The following CNOT1 variants were observed in gnomAD, a reference collection of about 807,000 sequenced individuals.
CNOT1 encodes CCR4-associated factor 1.
CNOT1 carries 15 observed loss-of-function variants against 273.8 expected under a neutral mutation model. That is an observed-to-expected ratio of 0.05 (90% CI 0.04 to 0.08). CNOT1 has a LOEUF of 0.08. Ranked by LOEUF, CNOT1 falls within the 10% of genes least tolerant of loss-of-function variation. CNOT1 has a pLI of 1.00. For synonymous variants in CNOT1, 1,022 were observed against 1,005.5 expected, an observed-to-expected ratio of 1.02 and a Z score of -0.31; for missense variants, 1,644 against 2,912.2, an observed-to-expected ratio of 0.56 and a Z score of 10.02.
At chr16:58,524,962 G>A (rs529586854) in intron 46 of CNOT1, among the ~76,000 whole-genome samples, 2 of 152,282 alleles carry the variant, frequency 1.3e-5, no homozygotes, top group African/African-American at 4.8e-5. Context: ...GATACTGCAC[G>A]ATTCTGGATA....
chr16:58,587,101 G>T, intron 6 of CNOT1, 100 bp downstream of exon 6: 2 of 1,450,006 alleles, frequency 1.4e-6, no homozygotes, highest in Non-Finnish European at 1.9e-6. Flanking sequence ...ATTAATTTCA[G>T]ATTATCTTAC....
At chr16:58,545,811 G>A (rs1230249463) in intron 29 of CNOT1, among the ~76,000 whole-genome samples, 1 of 152,170 alleles carries the variant, frequency 6.6e-6, no homozygotes, top group Admixed American at 6.5e-5. Context: ...AACCTAGCCT[G>A]TTCCTAGGTT....
rs1206139683 is a variant in CNOT1 at position 58,534,412 on chromosome 16, A to C, written c.5647-17T>G. ...CTGGTGCATCTACAACAGGAACAAA[A>C]AATAAAGACACAATGAGGTAACACA... On this transcript the variant is annotated splice_polypyrimidine_tract_variant and intron_variant, in intron 39 of 48. Transcript: ENST00000317147. 2 of 1,610,246 alleles carry C rather than the reference A, an allele frequency of 1.2e-6. No individual in the cohort carries two copies. Among genetic ancestry groups the C allele is most frequent in the Non-Finnish European group, 1.7e-6 (2 of 1,177,748 alleles).
intron 1 of CNOT1, among the ~76,000 whole-genome samples, chr16:58,628,571 T>C (rs1436011270): frequency 6.0e-5 from 9 of 149,364 alleles, no homozygotes; most frequent in Non-Finnish European, 1.3e-4. Flanking sequence ...TTTCAAACAG[T>C]ATAATTATAT....
intron 8 of CNOT1, among the ~76,000 whole-genome samples, chr16:58,583,521 T>G (rs563248116): frequency 1.3e-5 from 2 of 152,308 alleles, no homozygotes; most frequent in South Asian, 4.1e-4. Flanking sequence ...TGGACTGTTA[T>G]CAGTCTGTGG....
At position 58,578,725 on chromosome 16, in the gene CNOT1, T is replaced by C. The variant is rs1483304408; in HGVS notation, c.1558A>G (p.Ile520Val). 6.2e-7 allele frequency: 1 copy of C among 1,614,084 alleles called. No homozygotes were observed. Among genetic ancestry groups the C allele is most frequent in the South Asian group, 1.1e-5 (1 of 91,090 alleles). The change falls in exon 13 of 49, where the codon ATT becomes GTT. Residue 520 changes from isoleucine (I) to valine (V), a missense_variant. This residue lies in a region of CNOT1 where 706 missense variants were observed against 1,021.2 expected (regional missense o/e 0.69). Coordinates refer to ENST00000317147, the MANE Select transcript of CNOT1 (RefSeq NM_016284.5). ...FLGNHPNSAI[I>V]LHYAWHGQGQ... ...TGCCCATGCCATGCATAGTGCAAAATAATAGCTGAGTTAGGATGGTTTCCA... is the reference window on the plus strand; with the variant it reads ...TGCCCATGCCATGCATAGTGCAAAACAATAGCTGAGTTAGGATGGTTTCCA...
At chr16:58,610,510 CCTCA>C (rs1169949164) in intron 1 of CNOT1, among the ~76,000 whole-genome samples, 6 of 152,074 alleles carry the variant, frequency 3.9e-5, no homozygotes, top group East Asian at 1.9e-4. Context: ...TCGAAATCAT[CCTCA>C]CTAACATGGT....
chr16:58,578,606 T>TTA (rs1555498979), intron 13 of CNOT1, 93 bp downstream of exon 13: 7 of 1,494,008 alleles, frequency 4.7e-6, no homozygotes, highest in Non-Finnish European at 6.2e-6. Flanking sequence ...TTCAGAGATG[T>TTA]AAAAAAAAAT....
intron 1 of CNOT1, among the ~76,000 whole-genome samples, chr16:58,616,620 T>C (rs1237764940): frequency 3.9e-5 from 6 of 152,218 alleles, no homozygotes; most frequent in Non-Finnish European, 8.8e-5. Flanking sequence ...AAATTCCTTC[T>C]GCCTTCACTA....
At chr16:58,555,727 G>A in intron 20 of CNOT1, 57 bp downstream of exon 20, 1 of 1,602,390 alleles carries the variant, frequency 6.2e-7, no homozygotes, top group East Asian at 2.2e-5. Flanking sequence ...CATTGAAAAG[G>A]ACATTTATTT....
At chr16:58,567,099 T>C (rs534504484) in intron 16 of CNOT1, among the ~76,000 whole-genome samples, 20 of 152,078 alleles carry the variant, frequency 1.3e-4, no homozygotes, top group African/African-American at 4.8e-4. Flanking sequence ...CATTGAGCTA[T>C]GATTGTGCCT....
intron 1 of CNOT1, among the ~76,000 whole-genome samples, chr16:58,607,319 T>C (rs748611997): frequency 2.6e-5 from 4 of 152,308 alleles, no homozygotes; most frequent in East Asian, 3.9e-4. Flanking sequence ...ACCGTGTATA[T>C]AGTCATCTGT....
intron 1 of CNOT1, among the ~76,000 whole-genome samples, chr16:58,618,750 A>AT (rs1419249652): frequency 6.6e-6 from 1 of 151,914 alleles, no homozygotes; most frequent in Non-Finnish European, 1.5e-5. Context: ...CAAACGGCAC[A>AT]TTACCTGTCT....
At chr16:58,535,718 A>T (rs975688670) in intron 39 of CNOT1, among the ~76,000 whole-genome samples, 8 of 152,096 alleles carry the variant, frequency 5.3e-5, no homozygotes, top group Non-Finnish European at 1.2e-4. Context: ...TTTGAAAAGT[A>T]AACCTAATTT....
intron 1 of CNOT1, among the ~76,000 whole-genome samples, chr16:58,628,334 T>G (rs927589719): frequency 2.6e-5 from 4 of 152,208 alleles, no homozygotes; most frequent in Non-Finnish European, 5.9e-5. Context: ...TGTTACCACA[T>G]GTCTTCTTAA....
At chr16:58,623,621 G>A (rs911967064) in intron 1 of CNOT1, among the ~76,000 whole-genome samples, 5 of 152,288 alleles carry the variant, frequency 3.3e-5, no homozygotes, top group Admixed American at 2.0e-4. Context: ...CCAGGGGAGG[G>A]CATGGAAGCT....
chr16:58,548,353 C>G (rs750443411), intron 25 of CNOT1: 1 of 392,830 alleles, frequency 2.5e-6, no homozygotes, highest in East Asian at 6.4e-5. Flanking sequence ...ATGTATATAC[C>G]CATCTACTCT....
chr16:58,534,743 AAGG>A (rs2039874135), intron 39 of CNOT1, among the ~76,000 whole-genome samples: 1 of 152,238 alleles, frequency 6.6e-6, no homozygotes, highest in Non-Finnish European at 1.5e-5. Flanking sequence ...TGTGGACTCC[AAGG>A]AGAAGACTAA....
At chr16:58,543,480 TCAAA>T (rs778996680) in intron 31 of CNOT1, 123 bp downstream of exon 31, 9 of 1,517,674 alleles carry the variant, frequency 5.9e-6, no homozygotes, top group African/African-American at 5.7e-5. Flanking sequence ...ATGGAAGACA[TCAAA>T]CAAATATGGT....
Sources: gnomAD v4.1 joint callset for allele counts (sites outside exome capture counted in the v4.1 genomes callset) on GRCh38, gnomAD v4.1.1 for gene constraint, gnomAD v4.1.1 regional missense constraint, MANE v1.5 for transcripts, NCBI Gene and HGNC (gene_info 2026-07-23, HGNC 2026-07-21) for gene names.